The following C3orf18 variants were observed in gnomAD, a reference collection of about 807,000 sequenced individuals.
C3orf18 encodes chromosome 3 open reading frame 18.
C3orf18 carries 12 observed loss-of-function variants against 14.1 expected under a neutral mutation model. That is an observed-to-expected ratio of 0.85 (90% CI 0.55 to 1.38). The LOEUF is 1.38. C3orf18 is among the 40% of genes most tolerant of loss of function. C3orf18 has a pLI of 0.00. For synonymous variants in C3orf18, 82 were observed against 87.9 expected (o/e 0.93, Z 0.38); for missense variants, 196 against 213.9 (o/e 0.92, Z 0.52).
chr3:50,568,329 G>A (rs972312590), upstream of C3orf18, among the ~76,000 whole-genome samples: 1 of 152,112 alleles, frequency 6.6e-6, no homozygotes, highest in Non-Finnish European at 1.5e-5. Flanking sequence ...CTCCTGATCC[G>A]CCGGTTTTCA....
upstream of C3orf18, chr3:50,571,956 G>A (rs559565626): frequency 2.5e-6 from 2 of 792,438 alleles, no homozygotes; most frequent in South Asian, 1.2e-4. Context: ...GTACTGAATA[G>A]GAAGAAGGGA....
chr3:50,565,478 C>G lies in C3orf18; in HGVS notation c.222G>C (p.Leu74=). ...LSFGIITVIG[L]AVALVLYIRK... is the part of the protein sequence containing the mutation. Reference sequence around the variant, plus strand: ...CCCCAGCTCTCACCAAGGCCACAGCCAGGCCTATCACCGTGATGATCCCAA... The same window carrying G: ...CCCCAGCTCTCACCAAGGCCACAGCGAGGCCTATCACCGTGATGATCCCAA... The change falls in exon 3 of 6, where the codon CTG becomes CTC. Residue 74 remains leucine, a synonymous_variant. Coordinates refer to ENST00000357203, the MANE Select transcript of C3orf18 (RefSeq NM_016210.5). The surrounding 1 kb of genome is among the most constrained non-coding windows in gnomAD (Gnocchi z 4.4). 1.9e-6 allele frequency: 3 copies of G among 1,613,674 alleles called. No homozygotes were observed. Among genetic ancestry groups the G allele is most frequent in the Non-Finnish European group, 2.5e-6 (3 of 1,179,676 alleles).
At chr3:50,572,337 T>C (rs1240999340), upstream of C3orf18, 6 of 897,044 alleles carry the variant, frequency 6.7e-6, no homozygotes, top group African/African-American at 6.6e-5. Flanking sequence ...TCTAGACATG[T>C]ATTTCCTCTC....
Position 50,560,880 on chromosome 3 carries a change from T to A in C3orf18, c.408+37A>T, listed in dbSNP as rs113385709. The A allele has an allele frequency of 8.2e-6, 13 of 1,576,198 alleles. No individual in the cohort carries two copies. The African/African-American group carries it at 9.4e-5, about 11-fold the overall frequency. On this transcript the variant is annotated intron_variant, in intron 5 of 5. Transcript: ENST00000357203. ...GAGGGTGAGGGTGGAGGACAGAGGA[T>A]GCTGCAGGCGGGGTGGGGAGCCTGG... is the stretch of plus-strand genomic sequence containing the variant.
At chr3:50,571,086 G>A (rs182819363), upstream of C3orf18, 41 of 1,561,296 alleles carry the variant, frequency 2.6e-5, no homozygotes, top group East Asian at 6.3e-4. Flanking sequence ...AAGCACTCTG[G>A]AGAACCTTTC....
chr3:50,568,811 T>C (rs945745838), upstream of C3orf18, among the ~76,000 whole-genome samples: 1 of 151,962 alleles, frequency 6.6e-6, no homozygotes, highest in African/African-American at 2.4e-5. Flanking sequence ...TGGGGAGATG[T>C]TGACAAGACA....
At position 50,565,105 on chromosome 3, in the gene C3orf18, G is replaced by A. The variant is rs2035408335; in HGVS notation, c.234+361C>T. On this transcript the variant is annotated intron_variant, in intron 3 of 5. Transcript: ENST00000357203. The surrounding 1 kb of genome is among the most constrained non-coding windows in gnomAD (Gnocchi z 4.4). Reference sequence around the variant, plus strand: ...ATTGTTGGCGGGCACAGAGGCTCATGTCTGTAATCCCAGCACTTTGGGAGG... The same window carrying A: ...ATTGTTGGCGGGCACAGAGGCTCATATCTGTAATCCCAGCACTTTGGGAGG... Among the ~76,000 whole-genome samples, 1 of 152,214 alleles carries A rather than the reference G, an allele frequency of 6.6e-6. No homozygotes were observed. The highest frequency in any genetic ancestry group is 2.1e-4 in the South Asian group (1 of 4,832).
intron 1 of C3orf18, among the ~76,000 whole-genome samples, chr3:50,567,101 T>C (rs1241658617): frequency 2.6e-5 from 4 of 152,156 alleles, no homozygotes; most frequent in Non-Finnish European, 4.4e-5. Flanking sequence ...CCTCTTTGCC[T>C]TCTCCCTCCA....
chr3:50,565,633 G>C lies in C3orf18; in HGVS notation c.67C>G (p.Leu23Val). 1 of 1,613,616 alleles carries C rather than the reference G, an allele frequency of 6.2e-7. No homozygotes were observed. The highest frequency in any genetic ancestry group is 8.5e-7 in the Non-Finnish European group (1 of 1,180,006). ...GCTGGCCCATCTGTGGCAGGTTCCA[G>C]GTCAGACTCAGAGGTGGGTGGGCGG... The part of the protein sequence containing the change: ...SSRPPTSESD[L>V]EPATDGPASE... Residue 23 changes from leucine (L) to valine (V), a missense_variant, in exon 3 of 6, where the codon CTG becomes GTG. By Grantham distance (32) the Leu-to-Val change is conservative (BLOSUM62 1). Coordinates refer to ENST00000357203, the MANE Select transcript of C3orf18 (RefSeq NM_016210.5). The surrounding 1 kb of genome is among the most constrained non-coding windows in gnomAD (Gnocchi z 4.4).
upstream of C3orf18, among the ~76,000 whole-genome samples, chr3:50,573,828 T>G (rs975931723): frequency 6.6e-6 from 1 of 152,238 alleles, no homozygotes; most frequent in East Asian, 1.9e-4. Flanking sequence ...GAGTTGCATT[T>G]TCCCTAAGGG....
chr3:50,571,293 C>G (rs2107373693), upstream of C3orf18: 1 of 1,611,024 alleles, frequency 6.2e-7, no homozygotes, highest in African/African-American at 1.3e-5. Context: ...CCCGGGAATC[C>G]AGTGAGTACA....
chr3:50,562,773 A>G (rs2107279418), intron 3 of C3orf18, among the ~76,000 whole-genome samples: 1 of 152,278 alleles, frequency 6.6e-6, no homozygotes, highest in East Asian at 1.9e-4. Flanking sequence ...GTCAACTCCC[A>G]AAAACTCTGA....
At chr3:50,561,378 AG>A (rs1699957486) in intron 4 of C3orf18, among the ~76,000 whole-genome samples, 1 of 152,122 alleles carries the variant, frequency 6.6e-6, no homozygotes, top group Non-Finnish European at 1.5e-5. Context: ...TCTGAGTCTC[AG>A]GTGGGACTGG....
upstream of C3orf18, chr3:50,571,997 A>G (rs529945995): frequency 2.6e-6 from 4 of 1,524,990 alleles, no homozygotes; most frequent in South Asian, 1.2e-5. Flanking sequence ...AGGAGTCCCA[A>G]GGCCCTGGAG....
Position 50,560,905 on chromosome 3 carries a change from G to A in C3orf18, c.408+12C>T, listed in dbSNP as rs1364087386. 1 of 1,596,354 alleles carries A rather than the reference G, an allele frequency of 6.3e-7. No homozygotes were observed. On this transcript the variant is annotated intron_variant, in intron 5 of 5. Transcript: ENST00000357203. ...TGCTGCAGGCGGGGTGGGGAGCCTG[G>A]TCAGTGCCCACCTTGCCCTGCATGG...
chr3:50,561,039 T>C lies in C3orf18; in HGVS notation c.286A>G (p.Met96Val). The part of the protein sequence containing the change: ...KRLEKLRHQL[M>V]PMYNFDPTEE... ...GTGGGGTCGAAGTTGTACATGGGCA[T>C]GAGCTGGTGGCGTAGCTTCTCCAGC... Residue 96 changes from methionine (M) to valine (V), a missense_variant, in exon 5 of 6, where the codon ATG becomes GTG. Physicochemically the swap from Met to Val is conservative, Grantham distance 21. Transcript: ENST00000357203. 1 of 1,614,106 alleles carries C rather than the reference T, an allele frequency of 6.2e-7. No individual in the cohort carries two copies. Among genetic ancestry groups the C allele is most frequent in the South Asian group, 1.1e-5 (1 of 91,080 alleles).
At chr3:50,571,915 G>A, upstream of C3orf18, 1 of 1,333,474 alleles carries the variant, frequency 7.5e-7, no homozygotes, top group Non-Finnish European at 1.1e-6. Context: ...GGGAGGTGTT[G>A]GGGTGCAGGA....
At position 50,559,591 on chromosome 3, in the gene C3orf18, G is replaced by T; in HGVS notation, c.*66C>A. ...CTTCAGAGTAGGTCTTGACAATCAG[G>T]GAGTGGGGAGCTCTGTAGGCACCGT... On this transcript the variant is annotated 3_prime_UTR_variant, in exon 6 of 6. Coordinates refer to ENST00000357203, the MANE Select transcript of C3orf18 (RefSeq NM_016210.5). 4.8e-6 allele frequency: 7 copies of T among 1,472,366 alleles called. No individual in the cohort carries two copies. In the South Asian group the frequency reaches 9.7e-5, roughly 20 times the overall value. 91.2% of individuals were successfully genotyped at this position (1,472,366 alleles called of 1,614,324 possible).
upstream of C3orf18, chr3:50,571,875 T>C: frequency 3.4e-6 from 5 of 1,482,308 alleles, no homozygotes; most frequent in Non-Finnish European, 4.7e-6. Context: ...CCCCACCAAG[T>C]TCAGGGAGGA....
Sources: gnomAD v4.1 joint callset for allele counts (sites outside exome capture counted in the v4.1 genomes callset) on GRCh38, gnomAD v4.1.1 for gene constraint, Gnocchi (gnomAD v3.1) non-coding constraint, MANE v1.5 for transcripts, NCBI Gene and HGNC (gene_info 2026-07-23, HGNC 2026-07-21) for gene names.